The following POLR2D variants were observed in gnomAD, a reference collection of about 807,000 sequenced individuals.
POLR2D encodes the protein RNA polymerase II subunit D.
In POLR2D, 10 loss-of-function variants were observed where a neutral mutation model predicts 17.6. The ratio of observed to expected loss-of-function variants is 0.57; its 90% CI spans 0.35 to 0.96. The LOEUF (loss-of-function observed/expected upper bound fraction) is 0.96. Ranked by LOEUF, POLR2D falls within the 40% of genes least tolerant of loss-of-function variation. The pLI is 0.02. For synonymous variants in POLR2D, 52 were observed against 60.2 expected (o/e 0.86, Z 0.63); for missense variants, 126 against 176.4 (o/e 0.71, Z 1.62).
At chr2:127,850,804 C>A (rs572180439) in intron 2 of POLR2D, 119 bp from the exon 3 acceptor site, 101 of 609,028 alleles carry the variant, frequency 1.7e-4, no homozygotes, top group Non-Finnish European at 2.6e-4. Flanking sequence ...AATAGCTAGA[C>A]GGCCAGGTGT....
Position 127,852,918 on chromosome 2 carries a change from C to T in POLR2D, c.254+7G>A, listed in dbSNP as rs1690273848. 1 of 1,604,960 alleles carries T rather than the reference C, an allele frequency of 6.2e-7. No individual in the cohort carries two copies. Among genetic ancestry groups the T allele is most frequent in the South Asian group, 1.1e-5 (1 of 90,124 alleles). ...TGGATTAATAAAAACTTTCTTTTAG[C>T]ACTCACCTACGAACACTGGCAATGG... On this transcript the variant is annotated splice_region_variant and intron_variant, in intron 2 of 3. Transcript: ENST00000272645. This position sits in a 1 kb window ranked among gnomAD's most constrained non-coding sequence, Gnocchi z 4.0.
chr2:127,849,317 A>C (rs1690208673), intron 3 of POLR2D, among the ~76,000 whole-genome samples: 1 of 152,184 alleles, frequency 6.6e-6, no homozygotes, highest in Admixed American at 6.5e-5. Flanking sequence ...CTGGGATTAC[A>C]GGCTTAAACC....
chr2:127,853,149 A>G (rs780722692), intron 1 of POLR2D, 44 bp from the exon 2 acceptor site: 11 of 1,484,378 alleles, frequency 7.4e-6, no homozygotes, highest in Non-Finnish European at 9.3e-6. Flanking sequence ...TACTCCTTCA[A>G]AAGTTTGCTT....
At chr2:127,848,364 T>C (rs188864047) in intron 3 of POLR2D, among the ~76,000 whole-genome samples, 179 bp from the exon 4 acceptor site, 33 of 152,196 alleles carry the variant, frequency 2.2e-4, no homozygotes, top group African/African-American at 7.2e-4. Flanking sequence ...AGATAAAAGG[T>C]ATAAAAAATA....
At chr2:127,854,754 G>A (rs1690301885) in intron 1 of POLR2D, among the ~76,000 whole-genome samples, 1 of 152,008 alleles carries the variant, frequency 6.6e-6, no homozygotes, top group Non-Finnish European at 1.5e-5. Flanking sequence ...CTACCTGAGG[G>A]CAGGAGAGTT....
chr2:127,858,152 G>A lies in POLR2D; in HGVS notation c.-52C>T. ...CAGCGCCGCCGGAAGCAGAAGCGCG[G>A]AGCAACGGCCGCGGAAGGGGCGTGG... is the stretch of plus-strand genomic sequence containing the variant. On this transcript the variant is annotated 5_prime_UTR_variant, in exon 1 of 4. Coordinates refer to ENST00000272645, the MANE Select transcript of POLR2D (RefSeq NM_004805.4). The A allele has an allele frequency of 7.4e-7, 1 of 1,343,010 alleles. No homozygotes were observed. The highest frequency in any genetic ancestry group is 9.7e-7 in the Non-Finnish European group (1 of 1,030,930). The allele number at this position is 1,343,010 out of a possible 1,614,324, so 83.2% of individuals were successfully genotyped here. A position where few individuals can be genotyped will look rare whatever the true frequency, so the allele number is the denominator to read the frequency against.
intron 3 of POLR2D, among the ~76,000 whole-genome samples, chr2:127,849,044 C>T (rs1436673826): frequency 6.6e-6 from 1 of 151,866 alleles, no homozygotes; most frequent in Non-Finnish European, 1.5e-5. Context: ...AGCCACCACA[C>T]CTGGCCAGAG....
intron 1 of POLR2D, among the ~76,000 whole-genome samples, chr2:127,855,802 T>TACAC (rs3836128): frequency 9.3e-5 from 14 of 151,310 alleles, no homozygotes; most frequent in East Asian, 3.9e-4. Flanking sequence ...CGCGCGCACA[T>TACAC]ACACACACAC....
intron 2 of POLR2D, among the ~76,000 whole-genome samples, chr2:127,851,940 G>T (rs1403064615): frequency 1.3e-5 from 2 of 152,088 alleles, no homozygotes; most frequent in South Asian, 4.1e-4. Context: ...ACAGGCATGC[G>T]CTACCACGCC....
chr2:127,852,604 C>A lies in POLR2D; in HGVS notation c.254+321G>T, dbSNP rs998661887. On this transcript the variant is annotated intron_variant, in intron 2 of 3. Coordinates refer to ENST00000272645, the MANE Select transcript of POLR2D (RefSeq NM_004805.4). This position sits in a 1 kb window ranked among gnomAD's most constrained non-coding sequence, Gnocchi z 4.0. ...GCAGTTGCGCAATCTCGGCTCACTG[C>A]AACCTTGGCCTACAGATTCAAGCGA... Among the ~76,000 whole-genome samples the A allele has an allele frequency of 6.6e-6, 1 of 152,194 alleles. No homozygotes were observed. The highest frequency in any genetic ancestry group is 6.5e-5 in the Admixed American group (1 of 15,276).
At chr2:127,850,870 G>A (rs145538301) in intron 2 of POLR2D, among the ~76,000 whole-genome samples, 185 bp from the exon 3 acceptor site, 146 of 152,260 alleles carry the variant, frequency 9.6e-4, no homozygotes, top group Non-Finnish European at 1.5e-3. Context: ...GTAATCACTT[G>A]ACGTGAGGAG....
chr2:127,849,775 C>T (rs949989697), intron 3 of POLR2D, among the ~76,000 whole-genome samples: 2 of 152,004 alleles, frequency 1.3e-5, no homozygotes, highest in African/African-American at 2.4e-5. Flanking sequence ...GGCTGGGCAC[C>T]GCGGCTCATG....
intron 3 of POLR2D, among the ~76,000 whole-genome samples, chr2:127,849,944 G>A (rs979378003): frequency 1.3e-5 from 2 of 152,162 alleles, no homozygotes; most frequent in African/African-American, 2.4e-5. Context: ...ATTTGTGTGA[G>A]TTACCTTTAG....
In POLR2D at chr2:127,852,134, C is replaced by T. The variant is rs1476787486; in HGVS notation, c.254+791G>A. ...CTAAGGTTGGAGGATCAATTGAGGC[C>T]AGGAGTTTGAGACCAGCCTGGACAA... On this transcript the variant is annotated intron_variant, in intron 2 of 3. Coordinates refer to ENST00000272645, the MANE Select transcript of POLR2D (RefSeq NM_004805.4). The surrounding 1 kb of genome is among the most constrained non-coding windows in gnomAD (Gnocchi z 4.0). Among the ~76,000 whole-genome samples the T allele has an allele frequency of 6.6e-6, 1 of 152,100 alleles. No homozygotes were observed. Among genetic ancestry groups the T allele is most frequent in the Non-Finnish European group, 1.5e-5 (1 of 68,034 alleles).
In POLR2D at chr2:127,852,627, C is replaced by A. The variant is rs1273746305; in HGVS notation, c.254+298G>T. 6.6e-6 allele frequency among the ~76,000 whole-genome samples: 1 copy of A among 152,156 alleles called. No individual in the cohort carries two copies. Among genetic ancestry groups the A allele is most frequent in the Non-Finnish European group, 1.5e-5 (1 of 68,040 alleles). On this transcript the variant is annotated intron_variant, in intron 2 of 3. Transcript: ENST00000272645. The surrounding 1 kb of genome is among the most constrained non-coding windows in gnomAD (Gnocchi z 4.0). ...TGCAACCTTGGCCTACAGATTCAAG[C>A]GATTCTCCCGCCTCGGCCTCCTGAG...
chr2:127,857,918 G>T, intron 1 of POLR2D, 110 bp downstream of exon 1: 1 of 1,455,012 alleles, frequency 6.9e-7, no homozygotes, highest in Non-Finnish European at 9.1e-7. Context: ...CCGCGCTGGG[G>T]CTTGCCCAAG....
At chr2:127,851,490 C>T (rs1485815107) in intron 2 of POLR2D, among the ~76,000 whole-genome samples, 1 of 152,162 alleles carries the variant, frequency 6.6e-6, no homozygotes, top group Non-Finnish European at 1.5e-5. Flanking sequence ...AATCCTAGCA[C>T]TTTGGGAGGC....
rs996425172 is a variant in POLR2D at position 127,846,367 on chromosome 2, C to T, written c.*1740G>A. The T allele has an allele frequency of 1.3e-5, 2 of 152,178 alleles. No homozygotes were observed. The highest frequency in any genetic ancestry group is 2.9e-5 in the Non-Finnish European group (2 of 68,050). The allele number at this position is 152,178 out of a possible 1,614,324, so 9.4% of individuals were successfully genotyped here. On this transcript the variant is annotated 3_prime_UTR_variant, in exon 4 of 4. Coordinates refer to ENST00000272645, the MANE Select transcript of POLR2D (RefSeq NM_004805.4). ...TTCTTTCTCCTTTTTCCTTGGATCA[C>T]AAGTTCATACAGAGTCAAGCAAGTG...
chr2:127,844,828 ATTTT>A lies in POLR2D; in HGVS notation c.*3275_*3278del, dbSNP rs1304595271. On this transcript the variant is annotated 3_prime_UTR_variant, in exon 4 of 4. Transcript: ENST00000272645. ...GCCACCACACGTGGCCAATTTTTGT[ATTTT>A]TAGTAGAGACAGGGTTTCACAACGT... 3 of 152,032 alleles carry A rather than the reference ATTTT, an allele frequency of 2.0e-5. No individual in the cohort carries two copies. In the East Asian group the frequency reaches 5.8e-4, roughly 29 times the overall value. The allele number at this position is 152,032 out of a possible 1,614,324, so 9.4% of individuals were successfully genotyped here.
Sources: allele counts gnomAD v4.1 joint callset (sites outside exome capture counted in the v4.1 genomes callset), GRCh38; gene constraint gnomAD v4.1.1; non-coding constraint Gnocchi (gnomAD v3.1); transcripts MANE v1.5; gene names NCBI Gene and HGNC (gene_info 2026-07-23, HGNC 2026-07-21).